Variants in ETV5 observed in about 807,000 individuals in gnomAD.
ETV5 encodes the protein ETS variant transcription factor 5.
ETV5 carries 10 observed loss-of-function variants against 70.0 expected under a neutral mutation model. The observed-to-expected ratio is 0.14, with a 90% CI of 0.09 to 0.24. ETV5 has a LOEUF of 0.24. Among genes scored for constraint, ETV5 ranks in the 10% least tolerant of loss-of-function variants. The pLI is 1.00. For synonymous variants in ETV5, 216 were observed against 242.2 expected (o/e 0.89, Z 1.01); for missense variants, 453 against 651.2 (o/e 0.70, Z 3.31).
chr3:186,048,330 G>GAA lies in ETV5; in HGVS notation c.*307_*308dup, dbSNP rs1712932477. The GAA allele has an allele frequency of 2.3e-6, 1 of 435,258 alleles. No homozygotes were observed. The highest frequency in any genetic ancestry group is 4.2e-6 in the Non-Finnish European group (1 of 236,680). The allele number at this position is 435,258 out of a possible 1,614,324, so 27.0% of individuals were successfully genotyped here. On this transcript the variant is annotated 3_prime_UTR_variant, in exon 13 of 13. Transcript: ENST00000306376. ...TGTCCCGTTTTGCGGGTACTAACCT[G>GAA]AACAAGATATTGCTTTGCATGTATT... is the stretch of plus-strand genomic sequence containing the variant.
intron 12 of ETV5, among the ~76,000 whole-genome samples, chr3:186,049,568 G>C (rs778922589): frequency 3.9e-5 from 6 of 152,148 alleles, no homozygotes; most frequent in Non-Finnish European, 8.8e-5. Flanking sequence ...ACCTAATACC[G>C]AAAATCAAAC....
chr3:186,060,785 G>C (rs1033007200), intron 9 of ETV5, among the ~76,000 whole-genome samples: 2 of 152,224 alleles, frequency 1.3e-5, no homozygotes, highest in African/African-American at 4.8e-5. Flanking sequence ...GATAGTCTGT[G>C]TGTAGTAAGC....
chr3:186,059,444 G>T (rs1713252844), intron 9 of ETV5, among the ~76,000 whole-genome samples: 1 of 152,150 alleles, frequency 6.6e-6, no homozygotes, highest in Non-Finnish European at 1.5e-5. Flanking sequence ...GAAACGAGAG[G>T]TGGCATAGTA....
chr3:186,074,801 C>T (rs532570660), intron 7 of ETV5, among the ~76,000 whole-genome samples: 10 of 144,298 alleles, frequency 6.9e-5, no homozygotes, highest in Admixed American at 4.4e-4. Flanking sequence ...ATAATTCCAG[C>T]TATGCACCCA....
chr3:186,098,173 A>G (rs1285091246), intron 5 of ETV5, among the ~76,000 whole-genome samples: 1 of 152,264 alleles, frequency 6.6e-6, no homozygotes, highest in Non-Finnish European at 1.5e-5. Context: ...GTCCGCTAGA[A>G]GTAAGGTCAG....
chr3:186,064,634 A>T, intron 8 of ETV5, 158 bp from the exon 9 acceptor site: 1 of 695,032 alleles, frequency 1.4e-6, no homozygotes, highest in South Asian at 1.7e-5. Context: ...CACACCAATA[A>T]GCAAGATGGC....
chr3:186,108,458 T>G (rs1413046718), intron 1 of ETV5: 1 of 1,222,492 alleles, frequency 8.2e-7, no homozygotes, highest in African/African-American at 1.5e-5. Flanking sequence ...TGCACTTGCC[T>G]GTGTCATTTA....
At chr3:186,088,656 G>T (rs1394519953) in intron 5 of ETV5, among the ~76,000 whole-genome samples, 1 of 152,212 alleles carries the variant, frequency 6.6e-6, no homozygotes. Context: ...AGATGATCAA[G>T]AAGAGGGACA....
intron 8 of ETV5, 92 bp from the exon 9 acceptor site, chr3:186,064,568 C>G: frequency 8.0e-7 from 1 of 1,245,798 alleles, no homozygotes. Context: ...GGTAAAGCCC[C>G]TAAACTTCCT....
intron 11 of ETV5, among the ~76,000 whole-genome samples, chr3:186,053,715 CACTCT>C (rs1713089816): frequency 6.6e-6 from 1 of 152,172 alleles, no homozygotes; most frequent in Non-Finnish European, 1.5e-5. Context: ...ATATGGTACC[CACTCT>C]ACTCTACCTT....
intron 5 of ETV5, among the ~76,000 whole-genome samples, chr3:186,082,595 A>AT (rs1713958674): frequency 6.6e-6 from 1 of 151,894 alleles, no homozygotes; most frequent in Admixed American, 6.6e-5. Context: ...TAATTTTTGT[A>AT]TTTTTAGTAA....
rs771465106 is a variant in ETV5 at position 186,057,471 on chromosome 3, G to A, written c.991C>T (p.Pro331Ser). The change falls in exon 10 of 13, where the codon CCC becomes TCC. Residue 331 changes from proline to serine, a missense_variant. Around this residue, in one of 4 missense-constraint regions of ETV5, gnomAD observed 307 missense variants for 344.9 expected, o/e 0.89. Coordinates refer to ENST00000306376, the MANE Select transcript of ETV5 (RefSeq NM_004454.3). This position sits in a 1 kb window ranked among gnomAD's most constrained non-coding sequence, Gnocchi z 4.9. ...SHEGFSYEKD[P>S]RLYFDDTCVV... ...CAAGTGTCGTCAAAGTATAATCGGG[G>A]ATCTTTTTCATATGAAAAACCTGAA... 2 of 1,613,958 alleles carry A rather than the reference G, an allele frequency of 1.2e-6. No individual in the cohort carries two copies. Among genetic ancestry groups the A allele is most frequent in the African/African-American group, 1.3e-5 (1 of 74,996 alleles).
Position 186,105,942 on chromosome 3 carries a change from C to T in ETV5, c.-74G>A. 1 of 1,569,000 alleles carries T rather than the reference C, an allele frequency of 6.4e-7. No individual in the cohort carries two copies. The highest frequency in any genetic ancestry group is 1.2e-5 in the South Asian group (1 of 86,234). ...TAATTTCTGGGGGAAAAGGGATCCT[C>T]CTGTAATATGAATTTGGGAGATTTT... On this transcript the variant is annotated splice_region_variant and 5_prime_UTR_variant, in exon 2 of 13. Coordinates refer to ENST00000306376, the MANE Select transcript of ETV5 (RefSeq NM_004454.3). The surrounding 1 kb of genome is among the most constrained non-coding windows in gnomAD (Gnocchi z 4.5).
chr3:186,100,000 G>C (rs540339523), intron 5 of ETV5, among the ~76,000 whole-genome samples: 1 of 152,296 alleles, frequency 6.6e-6, no homozygotes, highest in Admixed American at 6.5e-5. Context: ...AGCAGATTTT[G>C]TAAAACAGAT....
rs60621128 is a variant in ETV5, at chr3:186,095,943, C to T, written c.232+9362G>A. On this transcript the variant is annotated intron_variant, in intron 5 of 12. Coordinates refer to ENST00000306376, the MANE Select transcript of ETV5 (RefSeq NM_004454.3). ...AGGTGTCCACAGTGCGCAGAGCAGG[C>T]GCTGTGGCCGAGGCGGGACATAAAC... Among the ~76,000 whole-genome samples, 237 of 152,284 alleles carry T rather than the reference C, an allele frequency of 1.6e-3. 1 individual carries two copies. The East Asian group carries it at 0.018, about 11-fold the overall frequency.
chr3:186,047,742 C>T lies in ETV5; in HGVS notation c.*897G>A, dbSNP rs183515420. On this transcript the variant is annotated 3_prime_UTR_variant, in exon 13 of 13. Transcript: ENST00000306376. Reference sequence around the variant, plus strand: ...GCTGCAGTGTCTTCATAAGTTGGCACGGCCCTGGCTAAAGGACACAGTGCA... The same window carrying T: ...GCTGCAGTGTCTTCATAAGTTGGCATGGCCCTGGCTAAAGGACACAGTGCA... The T allele has an allele frequency of 4.7e-5, 11 of 233,478 alleles. No individual in the cohort carries two copies. The highest frequency in any genetic ancestry group is 6.6e-5 in the African/African-American group (3 of 45,446). 14.5% of individuals were successfully genotyped at this position (233,478 alleles called of 1,614,324 possible). A position where few individuals can be genotyped will look rare whatever the true frequency, so the allele number is the denominator to read the frequency against.
In ETV5 at chr3:186,053,082, C is replaced by A. The variant is rs571158890; in HGVS notation, c.1210-951G>T. On this transcript the variant is annotated intron_variant, in intron 11 of 12. Transcript: ENST00000306376. Reference sequence around the variant, plus strand: ...GTTTTGGAAACTTAAAAAAAAAAAACAAACTATATTCCTTCGATTATTTTA... The same window carrying A: ...GTTTTGGAAACTTAAAAAAAAAAAAAAAACTATATTCCTTCGATTATTTTA... 5.3e-4 allele frequency among the ~76,000 whole-genome samples: 80 copies of A among 151,244 alleles called. 1 individual carries two copies. Among genetic ancestry groups the A allele is most frequent in the African/African-American group, 1.1e-3 (44 of 41,286 alleles).
chr3:186,060,946 A>T lies in ETV5; in HGVS notation c.971-3455T>A, dbSNP rs117448649. 2.1e-4 allele frequency among the ~76,000 whole-genome samples: 32 copies of T among 152,228 alleles called. No individual in the cohort carries two copies. In the East Asian group the frequency reaches 6.0e-3, roughly 28 times the overall value. On this transcript the variant is annotated intron_variant, in intron 9 of 12. Coordinates refer to ENST00000306376, the MANE Select transcript of ETV5 (RefSeq NM_004454.3). ...ACTGCTTCTGTAGAAACATTCAGGA[A>T]CCTCAAAGAGCCCCATGCAGCTGTG... is the stretch of plus-strand genomic sequence containing the variant.
At position 186,054,810 on chromosome 3, in the gene ETV5, G is replaced by A. The variant is rs1172248537; in HGVS notation, c.1209+2265C>T. ...GGCCCTCACAGGTATACAAGGAGGG[G>A]TGGGGGGAGCTCAGCAAATGTCACC... On this transcript the variant is annotated intron_variant, in intron 11 of 12. Coordinates refer to ENST00000306376, the MANE Select transcript of ETV5 (RefSeq NM_004454.3). The surrounding 1 kb of genome is among the most constrained non-coding windows in gnomAD (Gnocchi z 4.4). Among the ~76,000 whole-genome samples the A allele has an allele frequency of 1.3e-5, 2 of 152,114 alleles. No individual in the cohort carries two copies. Among genetic ancestry groups the A allele is most frequent in the Non-Finnish European group, 2.9e-5 (2 of 68,034 alleles).
Sources: gnomAD v4.1 joint callset for allele counts (sites outside exome capture counted in the v4.1 genomes callset) on GRCh38, gnomAD v4.1.1 for gene constraint, gnomAD v4.1.1 regional missense constraint, Gnocchi (gnomAD v3.1) non-coding constraint, MANE v1.5 for transcripts, NCBI Gene and HGNC (gene_info 2026-07-23, HGNC 2026-07-21) for gene names.